The following FOCAD variants were observed in gnomAD, a reference collection of about 807,000 sequenced individuals.
The protein encoded by FOCAD is KIAA1797.
FOCAD carries 198 observed loss-of-function variants against 225.6 expected under a neutral mutation model. That is an observed-to-expected ratio of 0.88 (90% CI 0.78 to 0.99). The LOEUF is 0.99. Among genes scored for constraint, FOCAD ranks in the 50% least tolerant of loss-of-function variants. The probability of loss-of-function intolerance (pLI) is 0.00; values close to 1 mark genes in which losing one functional copy is unlikely to be tolerated. For missense variants in FOCAD, 2,713 were observed against 2,123.6 expected, an observed-to-expected ratio of 1.28 and a Z score of -5.46; for synonymous variants, 897 against 755.0, an observed-to-expected ratio of 1.19 and a Z score of -3.08.
chr9:20,988,456 C>T (rs753906753), intron 41 of FOCAD, 27 bp downstream of exon 41: 5 of 1,336,358 alleles, frequency 3.7e-6, no homozygotes, highest in Non-Finnish European at 4.2e-6. Context: ...TAGTTTATAG[C>T]TTCCTTAAAA....
At chr9:20,823,189 A>G in intron 15 of FOCAD, 74 bp downstream of exon 15, 2 of 1,459,902 alleles carry the variant, frequency 1.4e-6, no homozygotes, top group South Asian at 1.3e-5. Context: ...CAAGAATGTA[A>G]GATTAGATTC....
chr9:20,932,074 T>C (rs1033204612), intron 27 of FOCAD, among the ~76,000 whole-genome samples: 1 of 152,128 alleles, frequency 6.6e-6, no homozygotes, highest in Non-Finnish European at 1.5e-5. Context: ...ACAAAAATGA[T>C]CTCTTTAACA....
At chr9:20,797,187 GGTACCA>G (rs1821213348) in intron 11 of FOCAD, among the ~76,000 whole-genome samples, 2 of 152,018 alleles carry the variant, frequency 1.3e-5, no homozygotes, top group Admixed American at 1.3e-4. Context: ...TCTCTGTTTT[GGTACCA>G]GTACCATGCT....
At chr9:20,939,775 T>C (rs1336282539) in intron 28 of FOCAD, among the ~76,000 whole-genome samples, 1 of 151,908 alleles carries the variant, frequency 6.6e-6, no homozygotes, top group Non-Finnish European at 1.5e-5. Context: ...AATTATACTT[T>C]AAGTTCTAGG....
At chr9:20,813,857 C>A (rs1448309949) in intron 11 of FOCAD, among the ~76,000 whole-genome samples, 3 of 152,124 alleles carry the variant, frequency 2.0e-5, no homozygotes, top group Non-Finnish European at 4.4e-5. Context: ...GTATTGCTTT[C>A]CATTTTCCCC....
chr9:20,932,921 C>A, intron 27 of FOCAD, 93 bp from the exon 28 acceptor site: 2 of 860,732 alleles, frequency 2.3e-6, no homozygotes, highest in South Asian at 1.7e-5. Flanking sequence ...CTGGTATTTC[C>A]AGTAAAATAT....
At chr9:20,681,995 A>G (rs983270301), upstream of FOCAD, among the ~76,000 whole-genome samples, 4 of 152,186 alleles carry the variant, frequency 2.6e-5, no homozygotes, top group East Asian at 7.7e-4. Flanking sequence ...CTCCAATGCA[A>G]CAGGATTAAG....
chr9:20,898,239 G>A (rs1336116584), intron 21 of FOCAD, among the ~76,000 whole-genome samples: 2 of 151,564 alleles, frequency 1.3e-5, no homozygotes, highest in African/African-American at 2.4e-5. Flanking sequence ...CCTACCTGGT[G>A]TTGTCTGAGC....
intron 5 of FOCAD, among the ~76,000 whole-genome samples, chr9:20,752,307 C>A (rs1323831820): frequency 5.3e-5 from 8 of 150,806 alleles, no homozygotes; most frequent in Non-Finnish European, 7.4e-5. Context: ...ACGTTTAAGT[C>A]TTTAATCCAT....
At chr9:20,689,787 A>G (rs573295940) in intron 1 of FOCAD, among the ~76,000 whole-genome samples, 1 of 152,324 alleles carries the variant, frequency 6.6e-6, no homozygotes, top group East Asian at 1.9e-4. Flanking sequence ...TTAAATTTTG[A>G]TGAAGCTTTC....
chr9:20,665,364 T>C (rs948990737), intron 2 of FOCAD, among the ~76,000 whole-genome samples: 3 of 152,154 alleles, frequency 2.0e-5, no homozygotes, highest in African/African-American at 7.2e-5. Context: ...TTTACACTGC[T>C]TAGGACAATA....
At chr9:20,656,852 G>T (rs1821496195), upstream of FOCAD, among the ~76,000 whole-genome samples, 1 of 152,126 alleles carries the variant, frequency 6.6e-6, no homozygotes, top group African/African-American at 2.4e-5. Context: ...CTCGTTAGTT[G>T]ATGCAGTTTC....
At position 20,671,373 on chromosome 9, in the gene FOCAD, GA is replaced by G. The variant is rs1822058618; in HGVS notation, c.-78+12548del. ...ATTTCACTTCTCCAATTATTGTGTG[GA>G]CAATCCTGTTATCTCATACCAGTCT... On this transcript the variant is annotated intron_variant, in intron 2 of 45. Transcript: ENST00000380249. 5.3e-5 allele frequency among the ~76,000 whole-genome samples: 8 copies of G among 152,176 alleles called. No individual in the cohort carries two copies. In the South Asian group the frequency reaches 1.7e-3, roughly 32 times the overall value.
chr9:20,791,395 AT>A (rs1337857235), intron 11 of FOCAD, among the ~76,000 whole-genome samples: 2 of 152,196 alleles, frequency 1.3e-5, no homozygotes, highest in Non-Finnish European at 2.9e-5. Context: ...ACAGAGTGAT[AT>A]TTTGATACAG....
chr9:20,957,245 G>A (rs993376699), intron 35 of FOCAD, among the ~76,000 whole-genome samples: 4 of 13,848 alleles, frequency 2.9e-4, no homozygotes, highest in African/African-American at 3.3e-4. Flanking sequence ...TGTACTTTTT[G>A]TAGAGATGGA....
chr9:20,986,438 G>T lies in FOCAD; in HGVS notation c.4879G>T (p.Ala1627Ser). ...GATGATTCTGCACAGCTTATACCAGGCACGGATTGTGAGCCATGCCAATAC... is the reference window on the plus strand; with the variant it reads ...GATGATTCTGCACAGCTTATACCAGTCACGGATTGTGAGCCATGCCAATAC... ...AWMILHSLYQ[A>S]RIVSHANTGV... is the part of the protein sequence containing the mutation. Residue 1627 changes from alanine (A) to serine (S), a missense_variant, in exon 40 of 44, where the codon GCA becomes TCA. Physicochemically the swap from Ala to Ser is moderately conservative, Grantham distance 99 (BLOSUM62 1). Transcript: ENST00000338382. 1 of 1,611,688 alleles carries T rather than the reference G, an allele frequency of 6.2e-7. No homozygotes were observed.
At chr9:20,822,256 T>A (rs1366774172) in intron 14 of FOCAD, among the ~76,000 whole-genome samples, 1 of 152,048 alleles carries the variant, frequency 6.6e-6, no homozygotes, top group Non-Finnish European at 1.5e-5. Context: ...GGAAAATTAT[T>A]TCCACTTGTG....
In FOCAD at chr9:20,666,941, T is replaced by C. The variant is rs568824138; in HGVS notation, c.-78+8115T>C. On this transcript the variant is annotated intron_variant, in intron 2 of 45. Transcript: ENST00000380249. The stretch of plus-strand genomic sequence containing the variant: ...CTATGTCTTTGATATTCCTGAAATA[T>C]GAAATATTCTAGTTGGCAAAAACAA... Among the ~76,000 whole-genome samples, 18 of 152,322 alleles carry C rather than the reference T, an allele frequency of 1.2e-4. No individual in the cohort carries two copies. The South Asian group carries it at 2.1e-3, about 18-fold the overall frequency.
intron 11 of FOCAD, among the ~76,000 whole-genome samples, chr9:20,800,576 T>C (rs1821689066): frequency 6.6e-6 from 1 of 152,168 alleles, no homozygotes; most frequent in African/African-American, 2.4e-5. Flanking sequence ...TAAATTTCTC[T>C]TCTCGCTTCA....
Sources: allele counts gnomAD v4.1 joint callset (sites outside exome capture counted in the v4.1 genomes callset), GRCh38; gene constraint gnomAD v4.1.1; transcripts MANE v1.5; gene names NCBI Gene and HGNC (gene_info 2026-07-23, HGNC 2026-07-21).